Variants in SHROOM1 observed in about 807,000 individuals in gnomAD.
SHROOM1 encodes shroom family member 1.
In SHROOM1, 53 loss-of-function variants were observed where a neutral mutation model predicts 64.2. The observed-to-expected ratio is 0.83, with a 90% CI of 0.66 to 1.04. SHROOM1 has a LOEUF of 1.04. Ranked by LOEUF, SHROOM1 falls within the 50% of genes least tolerant of loss-of-function variation. The pLI is 0.00. For missense variants in SHROOM1, 1,179 were observed against 1,163.2 expected, an observed-to-expected ratio of 1.01 and a Z score of -0.20; for synonymous variants, 490 against 518.9, an observed-to-expected ratio of 0.94 and a Z score of 0.76.
At chr5:132,824,898 A>G in intron 5 of SHROOM1, 77 bp from the exon 6 acceptor site, 1 of 1,600,410 alleles carries the variant, frequency 6.2e-7, no homozygotes, top group Non-Finnish European at 8.5e-7. Context: ...ACAGTAGGGT[A>G]TTTTCAAAAT....
intron 5 of SHROOM1, 64 bp from the exon 6 acceptor site, chr5:132,824,885 G>T: frequency 1.2e-6 from 2 of 1,603,128 alleles, no homozygotes; most frequent in Non-Finnish European, 1.7e-6. Context: ...TTGCACCAGG[G>T]AGACAGTAGG....
rs1758703074 is a variant in SHROOM1, at chr5:132,826,357, A to G, written c.-123T>C. ...GAGTCACCTTGGGATCAGAGGTGGCAGAGGAAGTAGGACCAGTCCCAGGGA... is the reference window on the plus strand; with the variant it reads ...GAGTCACCTTGGGATCAGAGGTGGCGGAGGAAGTAGGACCAGTCCCAGGGA... On this transcript the variant is annotated 5_prime_UTR_variant, in exon 3 of 10. Coordinates refer to ENST00000378679, the MANE Select transcript of SHROOM1 (RefSeq NM_001172700.2). 1.8e-5 allele frequency: 20 copies of G among 1,106,414 alleles called. No homozygotes were observed. The highest frequency in any genetic ancestry group is 2.3e-5 in the Non-Finnish European group (20 of 872,122). 68.5% of individuals were successfully genotyped at this position (1,106,414 alleles called of 1,614,324 possible).
rs559668324 is a variant in SHROOM1 at position 132,824,555 on chromosome 5, G to A, written c.1241+60C>T. The A allele has an allele frequency of 2.1e-5, 33 of 1,553,532 alleles. No individual in the cohort carries two copies. In the Admixed American group the frequency reaches 2.5e-4, roughly 12 times the overall value. On this transcript the variant is annotated intron_variant, in intron 6 of 9. Transcript: ENST00000378679. Reference sequence around the variant, plus strand: ...AGGAGAGCATTCCCACCCCTCTAGCGTTTTGTAGATGTGTGTGTCAGGGGG... The same window carrying A: ...AGGAGAGCATTCCCACCCCTCTAGCATTTTGTAGATGTGTGTGTCAGGGGG...
In SHROOM1 at chr5:132,824,648, G is replaced by A. The variant is rs1323872418; in HGVS notation, c.1208C>T (p.Pro403Leu). The change falls in exon 6 of 10, where the codon CCA becomes CTA. Residue 403 changes from proline (P) to leucine (L), a missense_variant. By Grantham distance (98) the Pro-to-Leu change is moderately conservative. Coordinates refer to ENST00000378679, the MANE Select transcript of SHROOM1 (RefSeq NM_001172700.2). ...GGGCCCCTGGGAGGCATGGGGGTCT[G>A]GTGGTGATCTCATTCTGACCAGTGG... ...EAPLVRMRSP[P>L]DPHASQGPPA... 10 of 1,612,826 alleles carry A rather than the reference G, an allele frequency of 6.2e-6. No individual in the cohort carries two copies. Among genetic ancestry groups the A allele is most frequent in the Non-Finnish European group, 8.5e-6 (10 of 1,179,202 alleles).
intron 2 of SHROOM1, 40 bp from the exon 3 acceptor site, chr5:132,826,627 G>A (rs540080811): frequency 6.5e-6 from 1 of 154,678 alleles, no homozygotes; most frequent in African/African-American, 2.4e-5. Context: ...TGACCTCAGG[G>A]GAGCTAAGAA....
Position 132,824,080 on chromosome 5 carries a change from G to T in SHROOM1, c.1581C>A (p.Gly527=), listed in dbSNP as rs1488456740. Residue 527 remains glycine, a synonymous_variant, in exon 7 of 10, where the codon GGC becomes GGA. Coordinates refer to ENST00000378679, the MANE Select transcript of SHROOM1 (RefSeq NM_001172700.2). Reference sequence around the variant, plus strand: ...TGGGCCTGGAACCAGGCTGGCCAGTGCCCCTGGCTAGGGCAGTATTGTGAG... The same window carrying T: ...TGGGCCTGGAACCAGGCTGGCCAGTTCCCCTGGCTAGGGCAGTATTGTGAG... ...GPSHNTALAR[G]TGQPGSRPTW... is the part of the protein sequence containing the mutation. The T allele has an allele frequency of 6.2e-7, 1 of 1,613,568 alleles. No individual in the cohort carries two copies. Among genetic ancestry groups the T allele is most frequent in the Admixed American group, 1.7e-5 (1 of 59,988 alleles).
chr5:132,824,503 C>T, intron 6 of SHROOM1, 84 bp from the exon 7 acceptor site: 1 of 1,520,408 alleles, frequency 6.6e-7, no homozygotes, highest in East Asian at 2.3e-5. Flanking sequence ...TCCCTACCCC[C>T]ATCACCTGGA....
In SHROOM1 at chr5:132,823,916, A is replaced by C; in HGVS notation, c.1745T>G (p.Val582Gly). 4 of 1,557,496 alleles carry C rather than the reference A, an allele frequency of 2.6e-6. No homozygotes were observed. Among genetic ancestry groups the C allele is most frequent in the Non-Finnish European group, 3.5e-6 (4 of 1,154,324 alleles). Residue 582 changes from valine to glycine, a missense_variant, in exon 7 of 10, where the codon GTC becomes GGC. Coordinates refer to ENST00000378679, the MANE Select transcript of SHROOM1 (RefSeq NM_001172700.2). This position sits in a 1 kb window ranked among gnomAD's most constrained non-coding sequence, Gnocchi z 4.6. ...ACAGGCAGGCCGCATTGCAGCCCGGACCTCTGCTAAAGGAATCAGTCCATC... is the reference window on the plus strand; with the variant it reads ...ACAGGCAGGCCGCATTGCAGCCCGGCCCTCTGCTAAAGGAATCAGTCCATC... The part of the protein sequence containing the change: ...LLDGLIPLAE[V>G]RAAMRPACGE...
chr5:132,825,505 AC>A lies in SHROOM1; in HGVS notation c.635del (p.Gly212ValfsTer74). The part of the protein sequence containing the change: ...RAPAPGTAGR[G>X]PLANQQRKWC... ...ACTTCCGCTGCTGGTTGGCGAGGGG[AC>A]CCCGGCCGGCAGTTCCTGGCGCGGG... On this transcript the variant is annotated frameshift_variant, in exon 4 of 10. Coordinates refer to ENST00000378679, the MANE Select transcript of SHROOM1 (RefSeq NM_001172700.2). LOFTEE classifies it high-confidence loss of function. The surrounding 1 kb of genome is among the most constrained non-coding windows in gnomAD (Gnocchi z 5.1). 2 of 1,490,112 alleles carry A rather than the reference AC, an allele frequency of 1.3e-6. No homozygotes were observed. Among genetic ancestry groups the A allele is most frequent in the Admixed American group, 2.2e-5 (1 of 45,312 alleles). The allele number at this position is 1,490,112 out of a possible 1,614,324, so 92.3% of individuals were successfully genotyped here.
Position 132,823,659 on chromosome 5 carries a change from C to G in SHROOM1, c.1917G>C (p.Gly639=), listed in dbSNP as rs34156944. The change falls in exon 8 of 10, where the codon GGG becomes GGC. Residue 639 remains glycine (G), a synonymous_variant. Coordinates refer to ENST00000378679, the MANE Select transcript of SHROOM1 (RefSeq NM_001172700.2). This position sits in a 1 kb window ranked among gnomAD's most constrained non-coding sequence, Gnocchi z 4.6. ...GGATGCTGTTGTTTGGTGCAGGGAG[C>G]CCCTGCCCACATGGCTGGTCAAGCA... The part of the protein sequence containing the change: ...HPVLDQPCGQ[G]LPAPNNSIQG... 1.9e-6 allele frequency: 3 copies of G among 1,608,588 alleles called. No homozygotes were observed. Among genetic ancestry groups the G allele is most frequent in the Middle Eastern group, 1.7e-4 (1 of 6,040 alleles).
chr5:132,829,911 GTCGCTGCACCCC>G (rs1758799095), intron 1 of SHROOM1: 1 of 985,372 alleles, frequency 1.0e-6, no homozygotes, highest in Non-Finnish European at 1.2e-6. Context: ...GGGCTCATCG[GTCGCTGCACCCC>G]AGATGCAGAG....
intron 3 of SHROOM1, 24 bp from the exon 4 acceptor site, chr5:132,826,206 C>A: frequency 7.9e-7 from 1 of 1,270,366 alleles, no homozygotes; most frequent in South Asian, 2.8e-5. Context: ...GATGTGGTGC[C>A]GGGTGAGGAG....
Position 132,825,933 on chromosome 5 carries a change from G to A in SHROOM1, c.208C>T (p.Pro70Ser). The change falls in exon 4 of 10, where the codon CCG (proline) becomes TCG (serine). Residue 70 changes from proline to serine, a missense_variant. Pro to Ser is a moderately conservative substitution (Grantham distance 74, BLOSUM62 -1). Coordinates refer to ENST00000378679, the MANE Select transcript of SHROOM1 (RefSeq NM_001172700.2). The surrounding 1 kb of genome is among the most constrained non-coding windows in gnomAD (Gnocchi z 5.1). ...WDYVRVVWGG[P>S]GPAPPDAALC... ...GCAGCGTCGGGCGGGGCGGGGCCCG[G>A]GCCGCCCCAAACCACACGCACGTAG... The A allele has an allele frequency of 7.2e-7, 1 of 1,387,110 alleles. No homozygotes were observed. Among genetic ancestry groups the A allele is most frequent in the South Asian group, 1.6e-5 (1 of 60,952 alleles). The allele number at this position is 1,387,110 out of a possible 1,614,324, so 85.9% of individuals were successfully genotyped here.
At chr5:132,828,135 C>G (rs1758759486) in intron 1 of SHROOM1, among the ~76,000 whole-genome samples, 1 of 151,906 alleles carries the variant, frequency 6.6e-6, no homozygotes, top group Non-Finnish European at 1.5e-5. Flanking sequence ...ATTTGAGCCT[C>G]CTAGACACTA....
Position 132,823,503 on chromosome 5 carries a change from A to T in SHROOM1, c.1973T>A (p.Leu658His). 1 of 1,602,058 alleles carries T rather than the reference A, an allele frequency of 6.2e-7. No homozygotes were observed. Among genetic ancestry groups the T allele is most frequent in the South Asian group, 1.1e-5 (1 of 90,744 alleles). The change falls in exon 9 of 10, where the codon CTC (leucine) becomes CAC (histidine). Residue 658 changes from leucine (L) to histidine (H), a missense_variant. Transcript: ENST00000378679. The surrounding 1 kb of genome is among the most constrained non-coding windows in gnomAD (Gnocchi z 4.6). Reference sequence around the variant, plus strand: ...GTGAAGGTCCTGAAGCATCTTTTGGAGGCGGGCGGCCAGCTCCACCTACAG... The same window carrying T: ...GTGAAGGTCCTGAAGCATCTTTTGGTGGCGGGCGGCCAGCTCCACCTACAG... ...QGKKVELAAR[L>H]QKMLQDLHTE... is the part of the protein sequence containing the mutation.
At chr5:132,827,952 G>A (rs1358007380) in intron 1 of SHROOM1, among the ~76,000 whole-genome samples, 1 of 152,108 alleles carries the variant, frequency 6.6e-6, no homozygotes, top group Non-Finnish European at 1.5e-5. Context: ...GAGTGGGTGT[G>A]CCTGGGTCAG....
chr5:132,823,954 G>T lies in SHROOM1; in HGVS notation c.1707C>A (p.Pro569=). The change falls in exon 7 of 10, where the codon CCC becomes CCA. Residue 569 remains proline, a synonymous_variant. Transcript: ENST00000378679. The surrounding 1 kb of genome is among the most constrained non-coding windows in gnomAD (Gnocchi z 4.6). The stretch of plus-strand genomic sequence containing the variant: ...GAATCAGTCCATCCAGCAGGCCCAG[G>T]GGTGGCTCTGGGCTGGGCTGGGAAG... ...PLASQPSPEP[P]LGLLDGLIPL... The T allele has an allele frequency of 6.3e-7, 1 of 1,597,214 alleles. No individual in the cohort carries two copies.
chr5:132,827,771 A>G (rs993024513), intron 1 of SHROOM1, among the ~76,000 whole-genome samples, 164 bp from the exon 2 acceptor site: 1 of 152,202 alleles, frequency 6.6e-6, no homozygotes, highest in Non-Finnish European at 1.5e-5. Flanking sequence ...CCTCCCTATT[A>G]GTCTTTTCTG....
intron 1 of SHROOM1, among the ~76,000 whole-genome samples, chr5:132,828,739 A>G (rs926089345): frequency 3.3e-5 from 5 of 152,034 alleles, no homozygotes; most frequent in Admixed American, 6.5e-5. Flanking sequence ...GGGCAATAAA[A>G]ATGTGTCTAC....
Sources: gnomAD v4.1 joint callset for allele counts (sites outside exome capture counted in the v4.1 genomes callset) on GRCh38, gnomAD v4.1.1 for gene constraint, Gnocchi (gnomAD v3.1) non-coding constraint, MANE v1.5 for transcripts, NCBI Gene and HGNC (gene_info 2026-07-23, HGNC 2026-07-21) for gene names.